The following CNTNAP3B variants were observed in gnomAD, a reference collection of about 807,000 sequenced individuals.
CNTNAP3B encodes contactin associated protein family member 3B.
Under a neutral mutation model 108.9 loss-of-function variants are expected in CNTNAP3B, and 25 were observed. The ratio of observed to expected loss-of-function variants is 0.23; its 90% CI spans 0.17 to 0.32. The LOEUF (loss-of-function observed/expected upper bound fraction) is 0.32, where lower values mean the gene tolerates loss of function less well. Ranked by LOEUF, CNTNAP3B falls within the 10% of genes least tolerant of loss-of-function variation. The pLI is 1.00. For missense variants in CNTNAP3B, 252 were observed against 1,210.4 expected, an observed-to-expected ratio of 0.21 and a Z score of 11.75; for synonymous variants, 103 against 473.4, an observed-to-expected ratio of 0.22 and a Z score of 10.16.
chr9:42,037,276 AAAAAAAG>A (rs201581224), intron 3 of CNTNAP3B, among the ~76,000 whole-genome samples: 7,810 of 87,906 alleles, frequency 0.089, 716 homozygotes, highest in East Asian at 0.14. Flanking sequence ...ATAATTAAAA[AAAAAAAG>A]AAAAAAGAAA....
chr9:41,921,398 G>A (rs1823663603), intron 17 of CNTNAP3B, among the ~76,000 whole-genome samples: 1 of 151,846 alleles, frequency 6.6e-6, no homozygotes, highest in Non-Finnish European at 1.5e-5. Context: ...AGGAAGTCAT[G>A]GTATAACACC....
At chr9:41,934,131 A>G (rs1824075354) in intron 14 of CNTNAP3B, among the ~76,000 whole-genome samples, 1 of 88,972 alleles carries the variant, frequency 1.1e-5, no homozygotes, top group Non-Finnish European at 2.2e-5. Context: ...ATACACACAC[A>G]TATATATATA....
chr9:41,925,204 C>T, intron 15 of CNTNAP3B, among the ~76,000 whole-genome samples: 1 of 148,164 alleles, frequency 6.7e-6, no homozygotes, highest in East Asian at 1.9e-4. Flanking sequence ...ATATTGATGG[C>T]TCCTGATTGA....
chr9:41,958,285 G>T (rs372307122), intron 12 of CNTNAP3B, among the ~76,000 whole-genome samples: 1 of 152,286 alleles, frequency 6.6e-6, no homozygotes, highest in South Asian at 2.1e-4. Flanking sequence ...TGTTGTTGTT[G>T]TTGTCACAAT....
intron 15 of CNTNAP3B, among the ~76,000 whole-genome samples, chr9:41,925,508 A>G (rs1386186644): frequency 9.2e-5 from 14 of 152,372 alleles, no homozygotes; most frequent in East Asian, 1.9e-4. Flanking sequence ...CAGGAGAATG[A>G]CGTGAACCCG....
chr9:42,033,603 ATAT>A (rs1345731158), intron 3 of CNTNAP3B, among the ~76,000 whole-genome samples: 1 of 93,654 alleles, frequency 1.1e-5, no homozygotes, highest in Admixed American at 1.2e-4. Flanking sequence ...GTTCTGAGAA[ATAT>A]TATCTTTTAG....
chr9:41,927,757 G>A (rs1823860546), intron 15 of CNTNAP3B, among the ~76,000 whole-genome samples: 2 of 152,206 alleles, frequency 1.3e-5, no homozygotes, highest in Non-Finnish European at 2.9e-5. Context: ...AATCACAGAG[G>A]TAACAGAGAA....
chr9:42,079,629 C>G (rs1187403533), intron 2 of CNTNAP3B, among the ~76,000 whole-genome samples: 3 of 135,028 alleles, frequency 2.2e-5, no homozygotes, highest in Non-Finnish European at 4.7e-5. Context: ...TCAAGCAATT[C>G]TCCTGCCTCA....
intron 18 of CNTNAP3B, among the ~76,000 whole-genome samples, chr9:41,916,266 A>G: frequency 6.7e-6 from 1 of 148,492 alleles, no homozygotes; most frequent in Non-Finnish European, 1.5e-5. Flanking sequence ...ATATTTCTAT[A>G]GGCCCAACAA....
At chr9:41,963,690 G>A (rs1825175159) in intron 11 of CNTNAP3B, among the ~76,000 whole-genome samples, 1 of 151,252 alleles carries the variant, frequency 6.6e-6, no homozygotes, top group African/African-American at 2.4e-5. Flanking sequence ...AGGTTCCCAG[G>A]GGCTGTGGGT....
intron 2 of CNTNAP3B, among the ~76,000 whole-genome samples, chr9:42,088,441 GC>G (rs1827749277): frequency 7.2e-6 from 1 of 139,046 alleles, no homozygotes; most frequent in African/African-American, 2.9e-5. Context: ...TTGTTTGAAT[GC>G]CACTTCCTGT....
chr9:41,977,760 C>A (rs1211646139), intron 9 of CNTNAP3B, among the ~76,000 whole-genome samples: 1 of 121,068 alleles, frequency 8.3e-6, no homozygotes, highest in African/African-American at 3.4e-5. Flanking sequence ...GCTGGGACTA[C>A]AGGCGCCCAC....
At chr9:42,107,747 G>T (rs1158019911) in intron 1 of CNTNAP3B, among the ~76,000 whole-genome samples, 1 of 137,872 alleles carries the variant, frequency 7.3e-6, no homozygotes, top group Non-Finnish European at 1.5e-5. Flanking sequence ...AGACCAAGGC[G>T]GGTGGATCAC....
intron 1 of CNTNAP3B, among the ~76,000 whole-genome samples, chr9:42,109,477 A>G (rs969987381): frequency 1.0e-4 from 15 of 148,118 alleles, no homozygotes; most frequent in African/African-American, 3.3e-4. Flanking sequence ...ATACATGGAC[A>G]GATTTTGTCC....
rs1370495220 is a variant in CNTNAP3B at position 42,024,966 on chromosome 9, C to G, written c.391-11441G>C. Among the ~76,000 whole-genome samples the G allele has an allele frequency of 5.5e-5, 8 of 145,786 alleles. 1 individual carries two copies. The highest frequency in any genetic ancestry group is 3.2e-3 in the Middle Eastern group (1 of 314). On this transcript the variant is annotated intron_variant, in intron 3 of 23. Transcript: ENST00000377561. ...TATATCAACTTTCCATTAGAGCATT[C>G]CTTTTTATTTGTTGTTGGCTCACAA... is the stretch of plus-strand genomic sequence containing the variant.
At chr9:42,097,321 C>T (rs1166375780) in intron 2 of CNTNAP3B, among the ~76,000 whole-genome samples, 1 of 140,140 alleles carries the variant, frequency 7.1e-6, no homozygotes, top group East Asian at 2.2e-4. Flanking sequence ...AACATTCCTC[C>T]CGCACCGCCT....
chr9:42,117,112 T>A (rs1374071144), intron 1 of CNTNAP3B, among the ~76,000 whole-genome samples: 1 of 138,092 alleles, frequency 7.2e-6, no homozygotes, highest in Non-Finnish European at 1.5e-5. Context: ...ATTAGACAGA[T>A]CAACAAGACA....
At chr9:41,942,829 C>A (rs1381677345) in intron 13 of CNTNAP3B, among the ~76,000 whole-genome samples, 8 of 151,726 alleles carry the variant, frequency 5.3e-5, no homozygotes, top group African/African-American at 1.9e-4. Context: ...GAAATTTTGG[C>A]CTCTGACACA....
intron 3 of CNTNAP3B, among the ~76,000 whole-genome samples, chr9:42,054,892 C>T (rs1484235400): frequency 1.3e-5 from 2 of 148,932 alleles, no homozygotes; most frequent in Non-Finnish European, 3.0e-5. Flanking sequence ...GGGACTCCTC[C>T]TGACATCCAG....
Sources: gnomAD v4.1 joint callset for allele counts (sites outside exome capture counted in the v4.1 genomes callset) on GRCh38, gnomAD v4.1.1 for gene constraint, MANE v1.5 for transcripts, NCBI Gene and HGNC (gene_info 2026-07-23, HGNC 2026-07-21) for gene names.